Variants in TBL1XR1 observed in about 807,000 individuals in gnomAD.
TBL1XR1 encodes TBL1X/Y related 1, also known as F-box-like/WD repeat-containing protein TBL1XR1.
In TBL1XR1, 5 loss-of-function variants were observed where a neutral mutation model predicts 66.9. The observed-to-expected ratio is 0.07, with a 90% CI of 0.04 to 0.16. The LOEUF is 0.16. Among genes scored for constraint, TBL1XR1 ranks in the 10% least tolerant of loss-of-function variants. The pLI, the probability that TBL1XR1 is intolerant of heterozygous loss-of-function variation, is 1.00. For missense variants in TBL1XR1, 238 were observed against 623.2 expected (o/e 0.38, Z 6.58); for synonymous variants, 210 against 206.0 (o/e 1.02, Z -0.17).
At chr3:177,114,272 TA>T (rs1265067492) in intron 1 of TBL1XR1, among the ~76,000 whole-genome samples, 1 of 151,396 alleles carries the variant, frequency 6.6e-6, no homozygotes, top group East Asian at 1.9e-4. Flanking sequence ...ATCATATATA[TA>T]TACACACATC....
chr3:177,158,950 C>T (rs1367041026), intron 1 of TBL1XR1, among the ~76,000 whole-genome samples: 1 of 152,130 alleles, frequency 6.6e-6, no homozygotes, highest in African/African-American at 2.4e-5. Context: ...GACGTATTTT[C>T]CCACCTCCAA....
chr3:177,199,635 A>AC (rs549227345), upstream of TBL1XR1, among the ~76,000 whole-genome samples: 3 of 151,022 alleles, frequency 2.0e-5, no homozygotes, highest in East Asian at 5.9e-4. Flanking sequence ...TGCCCACCCC[A>AC]CCCCTTCTCC....
upstream of TBL1XR1, among the ~76,000 whole-genome samples, chr3:177,197,594 C>G (rs2109031805): frequency 7.5e-6 from 1 of 133,768 alleles, no homozygotes; most frequent in East Asian, 2.2e-4. Context: ...GGCCGCGCAG[C>G]AAAACAAACC....
chr3:177,141,106 A>G (rs1019992413), intron 1 of TBL1XR1, among the ~76,000 whole-genome samples: 1 of 152,242 alleles, frequency 6.6e-6, no homozygotes, highest in African/African-American at 2.4e-5. Flanking sequence ...TTTCAAATGA[A>G]ATATGTCCCA....
At chr3:177,077,931 A>T (rs914182491) in intron 2 of TBL1XR1, among the ~76,000 whole-genome samples, 3 of 152,214 alleles carry the variant, frequency 2.0e-5, no homozygotes, top group African/African-American at 7.2e-5. Flanking sequence ...GGCTTTTGAC[A>T]TTAAGGCATT....
intron 3 of TBL1XR1, among the ~76,000 whole-genome samples, chr3:177,054,506 T>C (rs1717558947): frequency 6.6e-6 from 1 of 152,138 alleles, no homozygotes; most frequent in Admixed American, 6.5e-5. Flanking sequence ...TACTACGTAG[T>C]TATAATTCAA....
intron 1 of TBL1XR1, among the ~76,000 whole-genome samples, chr3:177,174,603 G>C (rs1658319901): frequency 6.6e-6 from 1 of 152,032 alleles, no homozygotes. Context: ...TAGCAAGCCA[G>C]AAAGGAGACC....
intron 1 of TBL1XR1, among the ~76,000 whole-genome samples, chr3:177,189,297 A>C: frequency 1.0e-5 from 1 of 96,180 alleles, no homozygotes; most frequent in Admixed American, 9.9e-5. Flanking sequence ...GTGGGCAGAT[A>C]ACAAGGCCCA....
At chr3:177,144,171 G>A (rs1011535512) in intron 1 of TBL1XR1, among the ~76,000 whole-genome samples, 3 of 151,920 alleles carry the variant, frequency 2.0e-5, no homozygotes, top group South Asian at 2.1e-4. Flanking sequence ...CTTGAACCCC[G>A]GGAGGCGGAG....
intron 10 of TBL1XR1, among the ~76,000 whole-genome samples, chr3:177,041,754 C>T (rs1715619472): frequency 6.6e-6 from 1 of 152,108 alleles, no homozygotes; most frequent in Non-Finnish European, 1.5e-5. Context: ...AGTTATGTCC[C>T]GGGTTCCTGT....
chr3:177,178,667 A>T (rs566630488), intron 1 of TBL1XR1, among the ~76,000 whole-genome samples: 4 of 152,100 alleles, frequency 2.6e-5, no homozygotes, highest in Admixed American at 1.3e-4. Flanking sequence ...ACCAACATGG[A>T]GAAGCCCTAA....
chr3:177,109,245 T>C lies in TBL1XR1; in HGVS notation c.-121-10704A>G, dbSNP rs1181998851. 6.6e-5 allele frequency among the ~76,000 whole-genome samples: 10 copies of C among 152,156 alleles called. No individual in the cohort carries two copies. The East Asian group carries it at 1.9e-3, about 29-fold the overall frequency. On this transcript the variant is annotated intron_variant, in intron 1 of 15. Coordinates refer to ENST00000457928, the MANE Select transcript of TBL1XR1 (RefSeq NM_024665.7). ...TTTTTAATTGAACATAAACTGAATA[T>C]GAAAGCAACCAAACATTCAATCAGA...
chr3:177,116,271 G>A (rs1726298921), intron 1 of TBL1XR1, among the ~76,000 whole-genome samples: 1 of 151,982 alleles, frequency 6.6e-6, no homozygotes, highest in Non-Finnish European at 1.5e-5. Flanking sequence ...CCCCAAACTT[G>A]TTCCTCTTCT....
At chr3:177,135,446 CA>C (rs1260825330) in intron 1 of TBL1XR1, among the ~76,000 whole-genome samples, 1 of 144,744 alleles carries the variant, frequency 6.9e-6, no homozygotes, top group East Asian at 2.0e-4. Flanking sequence ...TACAGTCGTG[CA>C]ATCTCGGCTC....
intron 3 of TBL1XR1, among the ~76,000 whole-genome samples, chr3:177,059,681 A>T (rs1718261855): frequency 6.6e-6 from 1 of 152,178 alleles, no homozygotes; most frequent in South Asian, 2.1e-4. Flanking sequence ...TACATGTATT[A>T]TCCTTCTTAT....
intron 1 of TBL1XR1, among the ~76,000 whole-genome samples, chr3:177,128,995 G>A (rs1225683103): frequency 1.3e-5 from 2 of 152,014 alleles, no homozygotes; most frequent in East Asian, 1.9e-4. Context: ...CCACTTACAC[G>A]TGATTCAAAT....
chr3:177,105,723 T>G (rs1189832688), intron 1 of TBL1XR1, among the ~76,000 whole-genome samples: 1 of 152,054 alleles, frequency 6.6e-6, no homozygotes, highest in Non-Finnish European at 1.5e-5. Context: ...TCAGATGTAA[T>G]TGGTCTAGGG....
intron 1 of TBL1XR1, among the ~76,000 whole-genome samples, chr3:177,107,268 C>A (rs180970018): frequency 6.6e-6 from 1 of 152,292 alleles, no homozygotes; most frequent in East Asian, 1.9e-4. Context: ...CTGATGAACT[C>A]AAAGAGTCGC....
chr3:177,098,104 G>A (rs1723721667), intron 2 of TBL1XR1, among the ~76,000 whole-genome samples: 1 of 152,134 alleles, frequency 6.6e-6, no homozygotes, highest in African/African-American at 2.4e-5. Context: ...AGCTACCTGG[G>A]TGGCTGAGGC....
Sources: allele counts gnomAD v4.1 joint callset (sites outside exome capture counted in the v4.1 genomes callset), GRCh38; gene constraint gnomAD v4.1.1; transcripts MANE v1.5; gene names NCBI Gene and HGNC (gene_info 2026-07-23, HGNC 2026-07-21).